IL21R: variants seen among roughly 807,000 people sequenced by gnomAD.
IL21R encodes the protein interleukin 21 receptor.
IL21R carries 14 observed loss-of-function variants against 41.3 expected under a neutral mutation model. The observed-to-expected ratio is 0.34, with a 90% CI of 0.22 to 0.53. IL21R has a LOEUF of 0.53. IL21R is among the 20% of genes least tolerant of loss of function. The pLI is 0.94. For synonymous variants in IL21R, 286 were observed against 287.6 expected, an observed-to-expected ratio of 0.99 and a Z score of 0.05; for missense variants, 588 against 681.6, an observed-to-expected ratio of 0.86 and a Z score of 1.53.
intron 1 of IL21R, among the ~76,000 whole-genome samples, chr16:27,424,139 A>G (rs995043244): frequency 1.3e-5 from 2 of 152,122 alleles, no homozygotes; most frequent in East Asian, 1.9e-4. Context: ...CAGTGGTGCA[A>G]TCTCGGCTCA....
Position 27,446,054 on chromosome 16 carries a change from T to C in IL21R, c.833T>C (p.Met278Thr), listed in dbSNP as rs369667782. 6.2e-7 allele frequency: 1 copy of C among 1,613,848 alleles called. No individual in the cohort carries two copies. The highest frequency in any genetic ancestry group is 1.1e-5 in the South Asian group (1 of 91,044). The change falls in exon 8 of 9, where the codon ATG becomes ACG. Residue 278 changes from methionine to threonine, a missense_variant. By Grantham distance (81) the Met-to-Thr change is moderately conservative. Coordinates refer to ENST00000337929, the MANE Select transcript of IL21R (RefSeq NM_181078.3). ...GTCCCCAGCCCTGAGCGGTTCTTCA[T>C]GCCCCTGTACAAGGGCTGCAGCGGA... ...WAVPSPERFF[M>T]PLYKGCSGDF...
At chr16:27,439,594 C>CA (rs2141299282) in intron 4 of IL21R, among the ~76,000 whole-genome samples, 1 of 151,302 alleles carries the variant, frequency 6.6e-6, no homozygotes, top group South Asian at 2.1e-4. Context: ...CACACTCACA[C>CA]ATGCATTCTC....
intron 1 of IL21R, among the ~76,000 whole-genome samples, chr16:27,407,008 T>C (rs764898658): frequency 6.6e-6 from 1 of 152,176 alleles, no homozygotes; most frequent in Non-Finnish European, 1.5e-5. Flanking sequence ...ACATTAGTCA[T>C]GATTATTCAC....
chr16:27,418,817 C>A (rs1278462818), intron 1 of IL21R, among the ~76,000 whole-genome samples: 3 of 151,834 alleles, frequency 2.0e-5, no homozygotes, highest in African/African-American at 7.2e-5. Context: ...TACAGCTATA[C>A]AAAATATTTT....
At chr16:27,406,836 G>A (rs543372490) in intron 1 of IL21R, among the ~76,000 whole-genome samples, 7 of 152,186 alleles carry the variant, frequency 4.6e-5, no homozygotes, top group African/African-American at 7.2e-5. Context: ...GCAGAGATAC[G>A]GCCAAGTTCC....
At chr16:27,425,858 C>G (rs926005594) in intron 1 of IL21R, among the ~76,000 whole-genome samples, 1 of 152,122 alleles carries the variant, frequency 6.6e-6, no homozygotes, top group Non-Finnish European at 1.5e-5. Context: ...GCCCGGCCTC[C>G]CTTTCTTAAC....
chr16:27,426,403 C>T (rs1014541482), intron 1 of IL21R, among the ~76,000 whole-genome samples: 1 of 152,194 alleles, frequency 6.6e-6, no homozygotes, highest in African/African-American at 2.4e-5. Flanking sequence ...CAGTGAAAAC[C>T]TCAAACGCAA....
chr16:27,444,172 CG>C (rs2087437635), intron 5 of IL21R: 1 of 160,924 alleles, frequency 6.2e-6, no homozygotes, highest in South Asian at 2.1e-4. Context: ...AGTAGTACAT[CG>C]GTTGAGAATG....
Position 27,413,255 on chromosome 16 carries a change from A to G in IL21R, c.-17+10637A>G, listed in dbSNP as rs140210189. Among the ~76,000 whole-genome samples the G allele has an allele frequency of 9.2e-3, 1,402 of 152,116 alleles. 13 individuals carry two copies. The highest frequency in any genetic ancestry group is 0.031 in the African/African-American group (1,307 of 41,526). ...TTTTGTCCTTCTTTGTGTTAATTTC[A>G]TGTATTACATTTATCTGATTTTTGT... On this transcript the variant is annotated intron_variant, in intron 1 of 8. Coordinates refer to ENST00000337929, the MANE Select transcript of IL21R (RefSeq NM_181078.3).
At chr16:27,418,333 G>T (rs1028203297) in intron 1 of IL21R, among the ~76,000 whole-genome samples, 1 of 151,538 alleles carries the variant, frequency 6.6e-6, no homozygotes, top group Non-Finnish European at 1.5e-5. Context: ...CTTCCAAAGC[G>T]CTGGGATTAC....
At position 27,450,148 on chromosome 16, in the gene IL21R, C is replaced by T. The variant is rs928630014; in HGVS notation, c.*865C>T. The T allele has an allele frequency of 4.3e-6, 1 of 232,964 alleles. No homozygotes were observed. The highest frequency in any genetic ancestry group is 8.5e-6 in the Non-Finnish European group (1 of 117,864). The allele number at this position is 232,964 out of a possible 1,614,324, so 14.4% of individuals were successfully genotyped here. ...GCGACAGCCTGGGCACCCGCGGGGCCGTCCCGCCTGCAGAGGGCCACTCGG... is the reference window on the plus strand; with the variant it reads ...GCGACAGCCTGGGCACCCGCGGGGCTGTCCCGCCTGCAGAGGGCCACTCGG... On this transcript the variant is annotated 3_prime_UTR_variant, in exon 9 of 9. Transcript: ENST00000337929.
At chr16:27,446,975 C>T (rs2087492031) in intron 8 of IL21R, among the ~76,000 whole-genome samples, 1 of 152,120 alleles carries the variant, frequency 6.6e-6, no homozygotes. Flanking sequence ...ACAGTGTAGA[C>T]CTAGACCATT....
chr16:27,442,301 A>G (rs2087402827), intron 4 of IL21R, among the ~76,000 whole-genome samples: 1 of 152,120 alleles, frequency 6.6e-6, no homozygotes, highest in Non-Finnish European at 1.5e-5. Flanking sequence ...TTTCCCTAGA[A>G]AACTTAGAAA....
At chr16:27,445,344 C>T in intron 7 of IL21R, 68 bp downstream of exon 7, 3 of 989,502 alleles carry the variant, frequency 3.0e-6, no homozygotes, top group Non-Finnish European at 4.8e-6. Flanking sequence ...ATGATACATG[C>T]AGGGTTGGAA....
At position 27,437,650 on chromosome 16, in the gene IL21R, C is replaced by A; in HGVS notation, c.315C>A (p.Tyr105Ter). 1 of 1,614,218 alleles carries A rather than the reference C, an allele frequency of 6.2e-7. No homozygotes were observed. Among genetic ancestry groups the A allele is most frequent in the Non-Finnish European group, 8.5e-7 (1 of 1,180,026 alleles). The change falls in exon 4 of 9, where the codon TAC becomes TAA. Residue 105 changes from tyrosine to a stop codon, truncating the protein, a stop_gained. Coordinates refer to ENST00000337929, the MANE Select transcript of IL21R (RefSeq NM_181078.3). LOFTEE classifies it high-confidence loss of function. ...ACATCACAGACCAGTCTGGCAACTA[C>A]TCCCAGGAGTGTGGCAGCTTTCTCC... Reference protein sequence around the residue: ...SVNITDQSGNYSQECGSFLLA... With the variant: ...SVNITDQSGN
intron 4 of IL21R, among the ~76,000 whole-genome samples, chr16:27,438,641 G>A (rs1415533303): frequency 6.6e-6 from 1 of 152,238 alleles, no homozygotes; most frequent in East Asian, 1.9e-4. Flanking sequence ...GCTGAGGCAG[G>A]TGGATCGTTT....
At chr16:27,425,056 CA>C (rs1214440143) in intron 1 of IL21R, among the ~76,000 whole-genome samples, 1 of 152,216 alleles carries the variant, frequency 6.6e-6, no homozygotes, top group Non-Finnish European at 1.5e-5. Flanking sequence ...AATCCGCCCC[CA>C]TGATCCAATC....
At chr16:27,412,423 T>C (rs887478722) in intron 1 of IL21R, among the ~76,000 whole-genome samples, 5 of 151,818 alleles carry the variant, frequency 3.3e-5, no homozygotes, top group African/African-American at 9.7e-5. Context: ...TCTTCTTCTT[T>C]TTTTTTTTAG....
intron 3 of IL21R, among the ~76,000 whole-genome samples, chr16:27,436,677 T>G (rs1232976587): frequency 2.0e-5 from 3 of 152,204 alleles, no homozygotes; most frequent in Non-Finnish European, 2.9e-5. Context: ...GCATTTTCCC[T>G]AATCCCATCC....
Sources: allele counts gnomAD v4.1 joint callset (sites outside exome capture counted in the v4.1 genomes callset), GRCh38; gene constraint gnomAD v4.1.1; transcripts MANE v1.5; gene names NCBI Gene and HGNC (gene_info 2026-07-23, HGNC 2026-07-21).